POU2F2: variants seen among roughly 807,000 people sequenced by gnomAD.
The protein encoded by POU2F2 is POU class 2 homeobox 2, also known as POU domain, class 2, transcription factor 2.
Under a neutral mutation model 63.5 loss-of-function variants are expected in POU2F2, and 14 were observed. That is an observed-to-expected ratio of 0.22 (90% CI 0.15 to 0.34). The LOEUF is 0.34. Among genes scored for constraint, POU2F2 ranks in the 10% least tolerant of loss-of-function variants. The probability of loss-of-function intolerance (pLI) is 1.00; values close to 1 mark genes in which losing one functional copy is unlikely to be tolerated. For missense variants in POU2F2, 607 were observed against 815.2 expected (o/e 0.74, Z 3.11); for synonymous variants, 306 against 348.6 (o/e 0.88, Z 1.36).
chr19:42,143,166 C>T (rs1042915248), intron 2 of POU2F2, among the ~76,000 whole-genome samples: 2 of 152,002 alleles, frequency 1.3e-5, no homozygotes, highest in Non-Finnish European at 2.9e-5. Context: ...AGTTTGAGAC[C>T]AGCCTGGCCA....
chr19:42,147,753 T>C (rs1385653876), intron 2 of POU2F2, among the ~76,000 whole-genome samples: 1 of 152,206 alleles, frequency 6.6e-6, no homozygotes, highest in Non-Finnish European at 1.5e-5. Context: ...CAATGAATAT[T>C]GACAGTGCGT....
intron 1 of POU2F2, among the ~76,000 whole-genome samples, chr19:42,186,927 A>C (rs1466254878): frequency 6.6e-6 from 1 of 152,154 alleles, no homozygotes; most frequent in Non-Finnish European, 1.5e-5. Flanking sequence ...TGAACCTCTT[A>C]TATCTGAGGT....
At chr19:42,178,987 T>C (rs1295650431), upstream of POU2F2, among the ~76,000 whole-genome samples, 1 of 151,710 alleles carries the variant, frequency 6.6e-6, no homozygotes, top group African/African-American at 2.4e-5. Flanking sequence ...AGAAAGGCAC[T>C]GGAAGAGGCT....
intron 1 of POU2F2, among the ~76,000 whole-genome samples, chr19:42,166,318 GT>G (rs770666279): frequency 3.7e-4 from 55 of 147,916 alleles, no homozygotes; most frequent in East Asian, 1.4e-3. Context: ...TATGCTCAGA[GT>G]TTTTTTTTTT....
upstream of POU2F2, among the ~76,000 whole-genome samples, chr19:42,196,956 G>A (rs922557331): frequency 6.6e-6 from 1 of 152,240 alleles, no homozygotes; most frequent in Non-Finnish European, 1.5e-5. Context: ...GACATGGAAC[G>A]GAAGCAGGGG....
chr19:42,162,499 A>C lies in POU2F2; in HGVS notation c.-69-2107T>G, dbSNP rs1429545985. The stretch of plus-strand genomic sequence containing the variant: ...TGGCCCACAGTTACCAGGCACAGGA[A>C]GAGTGGGAGCCAGAATTTGAACCTG... On this transcript the variant is annotated intron_variant, in intron 1 of 6. Transcript: ENST00000524801. This position sits in a 1 kb window ranked among gnomAD's most constrained non-coding sequence, Gnocchi z 4.1. 6.6e-6 allele frequency among the ~76,000 whole-genome samples: 1 copy of C among 152,150 alleles called. No individual in the cohort carries two copies. Among genetic ancestry groups the C allele is most frequent in the South Asian group, 2.1e-4 (1 of 4,832 alleles).
intron 1 of POU2F2, among the ~76,000 whole-genome samples, chr19:42,161,024 G>A (rs1452362985): frequency 6.6e-6 from 1 of 152,194 alleles, no homozygotes; most frequent in African/African-American, 2.4e-5. Flanking sequence ...GGACAGAGAT[G>A]AATTAGACAA....
At chr19:42,174,008 A>C (rs190905150) in intron 1 of POU2F2, among the ~76,000 whole-genome samples, 6 of 152,132 alleles carry the variant, frequency 3.9e-5, no homozygotes, top group Admixed American at 2.0e-4. Context: ...GGTCCAGGGA[A>C]GCTTTTCATG....
intron 1 of POU2F2, among the ~76,000 whole-genome samples, chr19:42,167,606 A>T (rs1431974931): frequency 6.6e-6 from 1 of 152,264 alleles, no homozygotes; most frequent in Non-Finnish European, 1.5e-5. Context: ...CAAGAAGGCC[A>T]GAATGGCTTG....
In POU2F2 at chr19:42,132,375, C is replaced by G. The variant is rs749652102; in HGVS notation, c.28+9G>C. ...CTCTGAGCAGTGGCACAGGCACCAGCCCCCTTACCTGGAGCCCCCATGCTG... is the reference window on the plus strand; with the variant it reads ...CTCTGAGCAGTGGCACAGGCACCAGGCCCCTTACCTGGAGCCCCCATGCTG... On this transcript the variant is annotated intron_variant, in intron 1 of 14. Transcript: ENST00000692977. 5 of 1,573,926 alleles carry G rather than the reference C, an allele frequency of 3.2e-6. No individual in the cohort carries two copies. Among genetic ancestry groups the G allele is most frequent in the Admixed American group, 1.9e-5 (1 of 53,068 alleles).
At chr19:42,093,709 C>T in intron 12 of POU2F2, 120 bp downstream of exon 12, 1 of 1,007,930 alleles carries the variant, frequency 9.9e-7, no homozygotes, top group Non-Finnish European at 1.5e-6. Context: ...CATTCCCCCA[C>T]CCACACTCCC....
chr19:42,125,346 A>G (rs1305397064), intron 1 of POU2F2, among the ~76,000 whole-genome samples: 1 of 141,798 alleles, frequency 7.1e-6, no homozygotes, highest in African/African-American at 2.6e-5. Flanking sequence ...TGGATAATAG[A>G]GCAAGACTCT....
chr19:42,121,308 C>A (rs373094252), intron 4 of POU2F2, among the ~76,000 whole-genome samples: 1 of 152,292 alleles, frequency 6.6e-6, no homozygotes, highest in East Asian at 1.9e-4. Flanking sequence ...GCACTTTTAT[C>A]CTCTCCTCTC....
chr19:42,188,195 T>A (rs1239814711), intron 1 of POU2F2, among the ~76,000 whole-genome samples: 1 of 151,684 alleles, frequency 6.6e-6, no homozygotes, highest in Non-Finnish European at 1.5e-5. Flanking sequence ...TGAAACCCCG[T>A]CTCTACCAAA....
chr19:42,191,073 C>CAA (rs200638271), intron 1 of POU2F2, among the ~76,000 whole-genome samples: 13 of 72,124 alleles, frequency 1.8e-4, no homozygotes, highest in East Asian at 4.1e-4. Context: ...GACTCAGTTT[C>CAA]AAAAAAAAAA....
Position 42,096,010 on chromosome 19 carries a change from A to T in POU2F2, c.729+72T>A. ...GGCCCGCTCCGCCCGCCCACTGGCC[A>T]CGCCCCTCGCGGCATCTATCAACTG... is the stretch of plus-strand genomic sequence containing the variant. On this transcript the variant is annotated intron_variant, in intron 8 of 14. Coordinates refer to ENST00000692977, the MANE Select transcript of POU2F2 (RefSeq NM_001394376.1). This position sits in a 1 kb window ranked among gnomAD's most constrained non-coding sequence, Gnocchi z 4.1. 1 of 1,606,878 alleles carries T rather than the reference A, an allele frequency of 6.2e-7. No homozygotes were observed. Among genetic ancestry groups the T allele is most frequent in the South Asian group, 1.1e-5 (1 of 90,548 alleles).
rs2076728285 is a variant in POU2F2, at chr19:42,091,853, G to A, written c.1540+14C>T. 1.3e-6 allele frequency: 2 copies of A among 1,538,778 alleles called. No individual in the cohort carries two copies. Among genetic ancestry groups the A allele is most frequent in the Non-Finnish European group, 8.7e-7 (1 of 1,146,904 alleles). On this transcript the variant is annotated intron_variant, in intron 14 of 14. Coordinates refer to ENST00000692977, the MANE Select transcript of POU2F2 (RefSeq NM_001394376.1). Reference sequence around the variant, plus strand: ...GGGCTGGTGACGATGGGTGTGACATGAGGCAGCACGCACCTTGGATAGTGG... The same window carrying A: ...GGGCTGGTGACGATGGGTGTGACATAAGGCAGCACGCACCTTGGATAGTGG...
At position 42,092,031 on chromosome 19, in the gene POU2F2, C is replaced by A. The variant is rs1387262531; in HGVS notation, c.1466+38G>T. 4.4e-6 allele frequency: 7 copies of A among 1,576,424 alleles called. No individual in the cohort carries two copies. The highest frequency in any genetic ancestry group is 3.4e-6 in the Non-Finnish European group (4 of 1,161,830). ...CCCCACCCTAGAAGCAGCAGCGACC[C>A]TGCTTCTCCCCACAGCTTCCCACGT... On this transcript the variant is annotated intron_variant, in intron 13 of 14. Transcript: ENST00000692977. The surrounding 1 kb of genome is among the most constrained non-coding windows in gnomAD (Gnocchi z 5.0).
At chr19:42,165,783 A>C (rs1034086315) in intron 1 of POU2F2, among the ~76,000 whole-genome samples, 1 of 152,180 alleles carries the variant, frequency 6.6e-6, no homozygotes, top group African/African-American at 2.4e-5. Context: ...CACACAAAAA[A>C]GGGGCAATGA....
Sources: allele counts gnomAD v4.1 joint callset (sites outside exome capture counted in the v4.1 genomes callset), GRCh38; gene constraint gnomAD v4.1.1; non-coding constraint Gnocchi (gnomAD v3.1); transcripts MANE v1.5; gene names NCBI Gene and HGNC (gene_info 2026-07-23, HGNC 2026-07-21).